The following MRPS9 variants were observed in gnomAD, a reference collection of about 807,000 sequenced individuals.
MRPS9 encodes the protein small ribosomal subunit protein uS9m.
Under a neutral mutation model 59.9 loss-of-function variants are expected in MRPS9, and 45 were observed. The ratio of observed to expected loss-of-function variants is 0.75; its 90% CI spans 0.59 to 0.96. The LOEUF (loss-of-function observed/expected upper bound fraction) is 0.96. Among genes scored for constraint, MRPS9 ranks in the 40% least tolerant of loss-of-function variants. The pLI, the probability that MRPS9 is intolerant of heterozygous loss-of-function variation, is 0.00. For missense variants in MRPS9, 473 were observed against 481.1 expected (o/e 0.98, Z 0.16); for synonymous variants, 171 against 166.8 (o/e 1.03, Z -0.19).
intron 2 of MRPS9, among the ~76,000 whole-genome samples, chr2:105,071,080 A>G (rs1680102875): frequency 6.6e-6 from 1 of 152,238 alleles, no homozygotes; most frequent in Non-Finnish European, 1.5e-5. Context: ...ATATTCAAGG[A>G]ATGACATGTT....
At chr2:105,038,738 C>T (rs1378363624) in intron 1 of MRPS9, among the ~76,000 whole-genome samples, 3 of 152,144 alleles carry the variant, frequency 2.0e-5, no homozygotes, top group African/African-American at 7.2e-5. Context: ...AAGATGCAGG[C>T]CAGAACTTGT....
Position 105,092,585 on chromosome 2 carries a change from G to T in MRPS9, c.820+16G>T. On this transcript the variant is annotated intron_variant, in intron 8 of 10. Coordinates refer to ENST00000258455, the MANE Select transcript of MRPS9 (RefSeq NM_182640.3). ...AAAAGTGAAGGTAATGACATTCTGT[G>T]GAGAGAAAATAAATTCAGTGAAGGT... 1 of 1,494,300 alleles carries T rather than the reference G, an allele frequency of 6.7e-7. No individual in the cohort carries two copies. Among genetic ancestry groups the T allele is most frequent in the East Asian group, 2.4e-5 (1 of 41,138 alleles). The allele number at this position is 1,494,300 out of a possible 1,614,324, so 92.6% of individuals were successfully genotyped here.
chr2:105,089,628 G>A (rs1041364311), intron 6 of MRPS9, among the ~76,000 whole-genome samples: 1 of 152,156 alleles, frequency 6.6e-6, no homozygotes, highest in Non-Finnish European at 1.5e-5. Context: ...TTTGAAGTAA[G>A]TTATACAGGC....
chr2:105,079,083 A>C (rs1157736115), intron 4 of MRPS9, among the ~76,000 whole-genome samples: 1 of 152,106 alleles, frequency 6.6e-6, no homozygotes, highest in African/African-American at 2.4e-5. Context: ...GGATTCCTTC[A>C]TGGGATGAAT....
At chr2:105,081,413 A>G (rs537245581) in intron 5 of MRPS9, among the ~76,000 whole-genome samples, 3 of 152,330 alleles carry the variant, frequency 2.0e-5, no homozygotes, top group Non-Finnish European at 4.4e-5. Flanking sequence ...ACTGTATGCT[A>G]CATTAATTCT....
chr2:105,072,256 T>G (rs1369787561), intron 4 of MRPS9, among the ~76,000 whole-genome samples: 4 of 152,224 alleles, frequency 2.6e-5, no homozygotes, highest in Non-Finnish European at 5.9e-5. Flanking sequence ...CCCGTTGCTT[T>G]TATGTAACCA....
intron 1 of MRPS9, among the ~76,000 whole-genome samples, chr2:105,041,607 A>C (rs1327365448): frequency 6.6e-6 from 1 of 151,618 alleles, no homozygotes; most frequent in Non-Finnish European, 1.5e-5. Flanking sequence ...GATCTGCTTT[A>C]GTAGGATCTT....
chr2:105,090,067 C>A, intron 7 of MRPS9, 72 bp downstream of exon 7: 2 of 795,306 alleles, frequency 2.5e-6, no homozygotes, highest in South Asian at 2.1e-5. Context: ...TATTTAGGAT[C>A]CTAATAGTAA....
chr2:105,059,413 C>A (rs1679854833), intron 2 of MRPS9, among the ~76,000 whole-genome samples: 1 of 152,070 alleles, frequency 6.6e-6, no homozygotes, highest in Admixed American at 6.5e-5. Flanking sequence ...ACTAGAGGCA[C>A]CACCAAAATC....
At chr2:105,074,373 A>G (rs1297238948) in intron 4 of MRPS9, among the ~76,000 whole-genome samples, 1 of 152,226 alleles carries the variant, frequency 6.6e-6, no homozygotes, top group Admixed American at 6.5e-5. Flanking sequence ...CCAGGGAAAA[A>G]AGAGAAAACA....
intron 1 of MRPS9, among the ~76,000 whole-genome samples, 184 bp from the exon 2 acceptor site, chr2:105,048,987 G>A (rs951785294): frequency 6.3e-5 from 9 of 143,510 alleles, no homozygotes; most frequent in Non-Finnish European, 6.3e-5. Flanking sequence ...AAGGCTTTGA[G>A]TAGGGGACAC....
intron 4 of MRPS9, among the ~76,000 whole-genome samples, chr2:105,075,897 A>G (rs1221439100): frequency 6.6e-6 from 1 of 152,198 alleles, no homozygotes; most frequent in Non-Finnish European, 1.5e-5. Context: ...CATCAAATTT[A>G]AAAATATATC....
At chr2:105,068,604 C>T (rs1370630154) in intron 2 of MRPS9, among the ~76,000 whole-genome samples, 4 of 152,212 alleles carry the variant, frequency 2.6e-5, no homozygotes, top group Non-Finnish European at 4.4e-5. Context: ...CCTCCCTCTA[C>T]TCTCACCCAA....
intron 10 of MRPS9, chr2:105,098,734 T>C (rs1395841625): frequency 6.6e-6 from 1 of 152,248 alleles, no homozygotes; most frequent in Admixed American, 6.5e-5. Context: ...TTGCTCTATG[T>C]ACATTAAATG....
At chr2:105,088,640 C>T (rs1180880930) in intron 5 of MRPS9, among the ~76,000 whole-genome samples, 1 of 151,782 alleles carries the variant, frequency 6.6e-6, no homozygotes, top group Non-Finnish European at 1.5e-5. Flanking sequence ...ACGATTTTTT[C>T]TGAAAGAAAA....
chr2:105,075,440 G>T (rs1188965210), intron 4 of MRPS9, among the ~76,000 whole-genome samples: 1 of 152,188 alleles, frequency 6.6e-6, no homozygotes, highest in Non-Finnish European at 1.5e-5. Context: ...AGCGCCAAAG[G>T]TCTAATGAGA....
intron 8 of MRPS9, among the ~76,000 whole-genome samples, chr2:105,092,811 C>T (rs1680588624): frequency 6.6e-6 from 1 of 152,106 alleles, no homozygotes; most frequent in Non-Finnish European, 1.5e-5. Context: ...TTTCTTTTCA[C>T]ACATTTATAT....
chr2:105,097,634 A>G (rs999790077), intron 10 of MRPS9, among the ~76,000 whole-genome samples: 1 of 152,220 alleles, frequency 6.6e-6, no homozygotes, highest in African/African-American at 2.4e-5. Flanking sequence ...CCAGCTTAAC[A>G]AAGTGCTTAG....
chr2:105,044,185 G>A (rs929090521), intron 1 of MRPS9, among the ~76,000 whole-genome samples: 5 of 152,006 alleles, frequency 3.3e-5, no homozygotes, highest in East Asian at 1.9e-4. Flanking sequence ...CGCCCACTTC[G>A]GCCTCCCAAA....
Sources: gnomAD v4.1 joint callset for allele counts (sites outside exome capture counted in the v4.1 genomes callset) on GRCh38, gnomAD v4.1.1 for gene constraint, MANE v1.5 for transcripts, NCBI Gene and HGNC (gene_info 2026-07-23, HGNC 2026-07-21) for gene names.